RALYL: variants seen among roughly 807,000 people sequenced by gnomAD.
The protein encoded by RALYL is RNA-binding Raly-like protein.
A neutral mutation model predicts 35.1 loss-of-function variants in RALYL; 29 were observed. That is an observed-to-expected ratio of 0.83 (90% CI 0.61 to 1.13). The LOEUF (loss-of-function observed/expected upper bound fraction) is 1.13. Among genes scored for constraint, RALYL ranks in the 50% most tolerant of loss-of-function variants. The pLI is 0.00. For missense variants in RALYL, 359 were observed against 360.4 expected, an observed-to-expected ratio of 1.00 and a Z score of 0.03; for synonymous variants, 120 against 127.6, an observed-to-expected ratio of 0.94 and a Z score of 0.40.
At chr8:84,600,452 T>C (rs1815661161) in intron 2 of RALYL, among the ~76,000 whole-genome samples, 1 of 152,188 alleles carries the variant, frequency 6.6e-6, no homozygotes, top group Non-Finnish European at 1.5e-5. Flanking sequence ...TTTCTGTTAT[T>C]TGCCTGCTGA....
chr8:84,830,147 C>T (rs1321176837), intron 4 of RALYL, among the ~76,000 whole-genome samples: 1 of 151,962 alleles, frequency 6.6e-6, no homozygotes, highest in Non-Finnish European at 1.5e-5. Context: ...GGCAGTGTCA[C>T]CTCATTGGAC....
intron 1 of RALYL, among the ~76,000 whole-genome samples, chr8:84,260,241 A>C (rs1222710431): frequency 1.3e-5 from 2 of 152,184 alleles, no homozygotes; most frequent in Non-Finnish European, 2.9e-5. Context: ...CCTAAAATAA[A>C]AGTTGGAAGA....
chr8:84,416,331 A>T (rs1392892795), intron 1 of RALYL, among the ~76,000 whole-genome samples: 1 of 152,210 alleles, frequency 6.6e-6, no homozygotes, highest in Non-Finnish European at 1.5e-5. Flanking sequence ...TACTGTGGTG[A>T]GTGCAATAAT....
At chr8:84,271,165 TA>T (rs144039881) in intron 1 of RALYL, among the ~76,000 whole-genome samples, 2,559 of 136,336 alleles carry the variant, frequency 0.019, 87 homozygotes, top group African/African-American at 0.065. Flanking sequence ...AACAGACATT[TA>T]AAAAAAAAAC....
chr8:84,855,662 A>C (rs1393223375), intron 5 of RALYL, among the ~76,000 whole-genome samples: 1 of 152,236 alleles, frequency 6.6e-6, no homozygotes, highest in Non-Finnish European at 1.5e-5. Flanking sequence ...ATACTCTAGC[A>C]AAGTAAAAGG....
At chr8:84,310,110 A>G (rs1250565834) in intron 1 of RALYL, among the ~76,000 whole-genome samples, 2 of 151,538 alleles carry the variant, frequency 1.3e-5, no homozygotes, top group African/African-American at 4.9e-5. Context: ...GTGCAATGGC[A>G]TGATAGCTCA....
chr8:84,463,831 A>G (rs968458038), intron 1 of RALYL, among the ~76,000 whole-genome samples: 1 of 152,082 alleles, frequency 6.6e-6, no homozygotes, highest in Non-Finnish European at 1.5e-5. Context: ...ACAGATGCAC[A>G]TAGTCATGTA....
chr8:84,756,195 A>G (rs143927498), intron 2 of RALYL, among the ~76,000 whole-genome samples: 4 of 152,132 alleles, frequency 2.6e-5, no homozygotes, highest in African/African-American at 9.7e-5. Context: ...TATTTGAAAT[A>G]TAGAGTGATA....
At chr8:84,717,472 A>T (rs1401309477) in intron 2 of RALYL, among the ~76,000 whole-genome samples, 1 of 133,406 alleles carries the variant, frequency 7.5e-6, no homozygotes, top group Admixed American at 7.1e-5. Context: ...AGCCAAATTA[A>T]CAGTCTTGCC....
chr8:84,774,572 C>A lies in RALYL; in HGVS notation c.257-7C>A, dbSNP rs754201597. On this transcript the variant is annotated splice_polypyrimidine_tract_variant and splice_region_variant and intron_variant, in intron 2 of 8. Coordinates refer to ENST00000521268, the MANE Select transcript of RALYL (RefSeq NM_173848.7). ...TTAATCAGTACTGTTTTATTTTATG[C>A]TTTCAGATATCAACATGGCAGGAGA... is the stretch of plus-strand genomic sequence containing the variant. 3.8e-6 allele frequency: 6 copies of A among 1,587,866 alleles called. No individual in the cohort carries two copies. Among genetic ancestry groups the A allele is most frequent in the Non-Finnish European group, 5.2e-6 (6 of 1,162,658 alleles).
chr8:84,436,295 A>G (rs990070965), intron 1 of RALYL, among the ~76,000 whole-genome samples: 1 of 152,128 alleles, frequency 6.6e-6, no homozygotes, highest in South Asian at 2.1e-4. Flanking sequence ...AGTAGAAACC[A>G]AGCAGTATTG....
chr8:84,732,850 C>A (rs2132886926), intron 2 of RALYL, among the ~76,000 whole-genome samples: 1 of 151,818 alleles, frequency 6.6e-6, no homozygotes, highest in African/African-American at 2.4e-5. Flanking sequence ...GGCTCACCAC[C>A]ACGCCTGGCT....
chr8:84,285,338 A>G (rs1837385271), intron 1 of RALYL, among the ~76,000 whole-genome samples: 1 of 152,214 alleles, frequency 6.6e-6, no homozygotes, highest in African/African-American at 2.4e-5. Context: ...ATATTTTGAC[A>G]TTTGAGAGTT....
At chr8:84,630,691 C>T (rs556731763) in intron 2 of RALYL, among the ~76,000 whole-genome samples, 1 of 152,114 alleles carries the variant, frequency 6.6e-6, no homozygotes, top group South Asian at 2.1e-4. Flanking sequence ...CATTACCAAA[C>T]TAAAAACTGT....
chr8:84,550,458 T>C (rs2135417415), intron 2 of RALYL, among the ~76,000 whole-genome samples: 1 of 152,222 alleles, frequency 6.6e-6, no homozygotes, highest in African/African-American at 2.4e-5. Context: ...CCTCTCATGA[T>C]ATTGAAAATA....
chr8:84,483,405 A>C (rs982664084), intron 1 of RALYL, among the ~76,000 whole-genome samples: 8 of 152,114 alleles, frequency 5.3e-5, no homozygotes, highest in Non-Finnish European at 1.0e-4. Context: ...TTGTGAAGTT[A>C]CTGAAAGCCT....
At chr8:84,806,466 A>G (rs1049666618) in intron 4 of RALYL, among the ~76,000 whole-genome samples, 4 of 151,272 alleles carry the variant, frequency 2.6e-5, no homozygotes, top group African/African-American at 7.3e-5. Flanking sequence ...TTCCTTTTTT[A>G]TTGCATACTT....
In RALYL at chr8:84,415,163, T is replaced by TGC. The variant is rs553695159; in HGVS notation, c.-23-114136_-23-114135insGC. 8.6e-3 allele frequency among the ~76,000 whole-genome samples: 1,296 copies of TGC among 150,916 alleles called. 30 individuals carry two copies. Among genetic ancestry groups the TGC allele is most frequent in the African/African-American group, 0.029 (1,205 of 40,876 alleles). On this transcript the variant is annotated intron_variant, in intron 1 of 8. Transcript: ENST00000521268. ...TTCACTCTAATATTCTGCCTCTGTT[T>TGC]TTTTTTTTTTTTAATGGAAGTTATT...
chr8:84,669,116 A>C (rs1212185151), intron 2 of RALYL, among the ~76,000 whole-genome samples: 1 of 152,182 alleles, frequency 6.6e-6, no homozygotes, highest in African/African-American at 2.4e-5. Flanking sequence ...GGTGTAATAC[A>C]GTAATAGATA....
Sources: gnomAD v4.1 joint callset for allele counts (sites outside exome capture counted in the v4.1 genomes callset) on GRCh38, gnomAD v4.1.1 for gene constraint, MANE v1.5 for transcripts, NCBI Gene and HGNC (gene_info 2026-07-23, HGNC 2026-07-21) for gene names.